Variants in ZNF619 observed in about 807,000 individuals in gnomAD.
ZNF619 encodes zinc finger protein 619.
Under a neutral mutation model 14.2 loss-of-function variants are expected in ZNF619, and 9 were observed. That is an observed-to-expected ratio of 0.64 (90% CI 0.38 to 1.11). The LOEUF (loss-of-function observed/expected upper bound fraction) is 1.11, where lower values mean the gene tolerates loss of function less well. Among genes scored for constraint, ZNF619 ranks in the 50% least tolerant of loss-of-function variants. The pLI is 0.01. For missense variants in ZNF619, 659 were observed against 680.1 expected (o/e 0.97, Z 0.34); for synonymous variants, 246 against 252.8 (o/e 0.97, Z 0.26).
intron 2 of ZNF619, 40 bp from the exon 3 acceptor site, chr3:40,481,823 C>T: frequency 1.3e-6 from 2 of 1,568,610 alleles, no homozygotes; most frequent in Non-Finnish European, 1.7e-6. Flanking sequence ...AAATTTATCC[C>T]TTTCCTGGAA....
Position 40,481,970 on chromosome 3 carries a change from A to T in ZNF619, c.132A>T (p.Leu44=). 1.9e-6 allele frequency: 3 copies of T among 1,611,262 alleles called. No homozygotes were observed. Among genetic ancestry groups the T allele is most frequent in the Non-Finnish European group, 2.5e-6 (3 of 1,179,180 alleles). Reference sequence around the variant, plus strand: ...GCCTGCACCCTACGCAGAGGGCCCTATACAGGGAGGTGATGCTGGAGAATT... The same window carrying T: ...GCCTGCACCCTACGCAGAGGGCCCTTTACAGGGAGGTGATGCTGGAGAATT... The part of the protein sequence containing the change: ...WASLHPTQRA[L]YREVMLENYA... Residue 44 remains leucine (L), a synonymous_variant, in exon 3 of 5, where the codon CTA becomes CTT. Coordinates refer to ENST00000432264, the MANE Select transcript of ZNF619 (RefSeq NM_001145093.4).
intron 4 of ZNF619, among the ~76,000 whole-genome samples, chr3:40,484,250 TTG>T (rs71094608): frequency 6.6e-6 from 1 of 151,898 alleles, no homozygotes; most frequent in African/African-American, 2.4e-5. Context: ...TAAGAACATT[TTG>T]TGTGTGTGTG....
rs1697762970 is a variant in ZNF619 at position 40,490,153 on chromosome 3, C to G, written c.*1912C>G. Reference sequence around the variant, plus strand: ...GCCATGTCATGATGCAGCAAGTAAGCCCTTACCAGATGCCTGCACCTTTAT... The same window carrying G: ...GCCATGTCATGATGCAGCAAGTAAGGCCTTACCAGATGCCTGCACCTTTAT... On this transcript the variant is annotated 3_prime_UTR_variant, in exon 5 of 5. Transcript: ENST00000432264. 1 of 152,176 alleles carries G rather than the reference C, an allele frequency of 6.6e-6. No homozygotes were observed. The highest frequency in any genetic ancestry group is 2.4e-5 in the African/African-American group (1 of 41,438). The allele number at this position is 152,176 out of a possible 1,614,324, so 9.4% of individuals were successfully genotyped here.
rs9827958 is a variant in ZNF619 at position 40,481,289 on chromosome 3, G to C, written c.25-574G>C. On this transcript the variant is annotated intron_variant, in intron 2 of 4. Transcript: ENST00000432264. ...GATCAGTGGGCAGATTTCTGCAGAA[G>C]GATGGGAGATTGCCATCCTGTCCTG... 1.1e-4 allele frequency among the ~76,000 whole-genome samples: 17 copies of C among 152,258 alleles called. No homozygotes were observed. The East Asian group carries it at 2.7e-3, about 24-fold the overall frequency.
Position 40,487,786 on chromosome 3 carries a change from A to G in ZNF619, c.1276A>G (p.Lys426Glu), listed in dbSNP as rs746099817. Residue 426 changes from lysine (K) to glutamate (E), a missense_variant, in exon 5 of 5, where the codon AAA becomes GAA. By Grantham distance (56) the Lys-to-Glu change is moderately conservative. Transcript: ENST00000432264. The part of the protein sequence containing the change: ...IVHQRIHNGE[K>E]PYECQECGKT... ...GCATCAGAGAATCCACAATGGGGAGAAACCCTATGAATGCCAGGAATGTGG... is the reference window on the plus strand; with the variant it reads ...GCATCAGAGAATCCACAATGGGGAGGAACCCTATGAATGCCAGGAATGTGG... 6.2e-7 allele frequency: 1 copy of G among 1,614,190 alleles called. No individual in the cohort carries two copies. Among genetic ancestry groups the G allele is most frequent in the Non-Finnish European group, 8.5e-7 (1 of 1,180,034 alleles).
At chr3:40,483,635 G>C (rs1373699814) in intron 4 of ZNF619, 2 of 448,940 alleles carry the variant, frequency 4.5e-6, no homozygotes, top group Admixed American at 4.8e-5. Flanking sequence ...TTATTTGTTT[G>C]TTTATTTTTT....
Position 40,487,490 on chromosome 3 carries a change from G to A in ZNF619, c.980G>A (p.Cys327Tyr). ...KCKECGKAFS[C>Y]SYDCIIHERI... ...AAGGAATGTGGGAAAGCCTTCAGTT[G>A]TAGCTATGACTGCATCATCCATGAA... The change falls in exon 5 of 5, where the codon TGT (cysteine) becomes TAT (tyrosine). Residue 327 changes from cysteine to tyrosine, a missense_variant. By Grantham distance (194) the Cys-to-Tyr change is radical (BLOSUM62 -2). Transcript: ENST00000432264. 6.2e-7 allele frequency: 1 copy of A among 1,614,144 alleles called. No homozygotes were observed. The highest frequency in any genetic ancestry group is 8.5e-7 in the Non-Finnish European group (1 of 1,180,028).
chr3:40,478,182 AG>A (rs1372363738), intron 2 of ZNF619, among the ~76,000 whole-genome samples, 179 bp downstream of exon 2: 1 of 152,166 alleles, frequency 6.6e-6, no homozygotes, highest in Non-Finnish European at 1.5e-5. Context: ...AGAGTCAGGT[AG>A]GTTGGAAAAG....
chr3:40,482,830 C>G, intron 4 of ZNF619, 126 bp downstream of exon 4: 2 of 705,626 alleles, frequency 2.8e-6, no homozygotes, highest in Non-Finnish European at 4.7e-6. Context: ...CACTCTTATT[C>G]AAAGAAGTGT....
intron 4 of ZNF619, among the ~76,000 whole-genome samples, chr3:40,485,539 G>A (rs1222235069): frequency 6.6e-6 from 1 of 152,094 alleles, no homozygotes; most frequent in African/African-American, 2.4e-5. Context: ...CTGAAATCAG[G>A]TGATCCACCT....
chr3:40,487,863 T>A lies in ZNF619; in HGVS notation c.1353T>A (p.Thr451=), dbSNP rs1202066688. The stretch of plus-strand genomic sequence containing the variant: ...TGGTTCAGCATCAGCGAGTTCACAC[T>A]GGGGAGAAACCTTATGAGTGTAAGG... ...ITLVQHQRVH[T]GEKPYECKEC... The change falls in exon 5 of 5, where the codon ACT becomes ACA. Residue 451 remains threonine (T), a synonymous_variant. Coordinates refer to ENST00000432264, the MANE Select transcript of ZNF619 (RefSeq NM_001145093.4). The A allele has an allele frequency of 6.2e-7, 1 of 1,614,206 alleles. No homozygotes were observed. Among genetic ancestry groups the A allele is most frequent in the Non-Finnish European group, 8.5e-7 (1 of 1,180,040 alleles).
chr3:40,482,855 T>C (rs1697452395), intron 4 of ZNF619, 151 bp downstream of exon 4: 11 of 619,212 alleles, frequency 1.8e-5, no homozygotes, highest in South Asian at 1.5e-4. Flanking sequence ...TACCAGAACT[T>C]CATCCCCGAA....
At chr3:40,485,789 T>C (rs1204389847) in intron 4 of ZNF619, among the ~76,000 whole-genome samples, 1 of 151,942 alleles carries the variant, frequency 6.6e-6, no homozygotes, top group Non-Finnish European at 1.5e-5. Flanking sequence ...GCAAAAAAGG[T>C]TTCTATGTTG....
intron 3 of ZNF619, 149 bp downstream of exon 3, chr3:40,482,165 G>A (rs1697422275): frequency 6.5e-7 from 1 of 1,545,784 alleles, no homozygotes. Context: ...GTAGCTGGAT[G>A]GAGAAAGAGC....
At chr3:40,484,088 G>T (rs1052231392) in intron 4 of ZNF619, among the ~76,000 whole-genome samples, 31 of 151,998 alleles carry the variant, frequency 2.0e-4, no homozygotes, top group African/African-American at 7.3e-4. Context: ...ACCACACCCG[G>T]CTAATTTTTG....
intron 1 of ZNF619, 160 bp from the exon 2 acceptor site, chr3:40,477,758 C>A (rs1020224565): frequency 2.0e-5 from 11 of 557,370 alleles, no homozygotes. Context: ...GGAGAATATG[C>A]AGAGGGAGCA....
chr3:40,490,943 T>A lies in ZNF619; in HGVS notation c.*2702T>A, dbSNP rs1418759828. 6.6e-6 allele frequency among the ~76,000 whole-genome samples: 1 copy of A among 152,146 alleles called. No individual in the cohort carries two copies. Among genetic ancestry groups the A allele is most frequent in the Non-Finnish European group, 1.5e-5 (1 of 68,022 alleles). ...CATGCATGCTCTTGCCATCTTGCCA[T>A]GTGATGCTTTCCATCATGTTATGAC... On this transcript the variant is annotated 3_prime_UTR_variant, in exon 5 of 5. Transcript: ENST00000432264.
At position 40,480,864 on chromosome 3, in the gene ZNF619, G is replaced by A. The variant is rs1357233624; in HGVS notation, c.25-999G>A. On this transcript the variant is annotated intron_variant, in intron 2 of 4. Transcript: ENST00000432264. ...GAAGAGACTTAAGTACAAAGAGAAG[G>A]TTGTTGACATGATGAATTGAGAAAG... Among the ~76,000 whole-genome samples the A allele has an allele frequency of 2.6e-5, 4 of 152,166 alleles. No homozygotes were observed. In the South Asian group the frequency reaches 6.2e-4, roughly 24 times the overall value.
chr3:40,484,334 A>AT (rs1458270099), intron 4 of ZNF619, among the ~76,000 whole-genome samples: 1 of 152,250 alleles, frequency 6.6e-6, no homozygotes, highest in African/African-American at 2.4e-5. Flanking sequence ...AGCTTTTGAA[A>AT]GAAAGCTTGT....
Sources: gnomAD v4.1 joint callset for allele counts (sites outside exome capture counted in the v4.1 genomes callset) on GRCh38, gnomAD v4.1.1 for gene constraint, MANE v1.5 for transcripts, NCBI Gene and HGNC (gene_info 2026-07-23, HGNC 2026-07-21) for gene names.